Variants in PDE4D observed in about 807,000 individuals in gnomAD.
PDE4D encodes 3',5'-cyclic-AMP phosphodiesterase 4D.
A neutral mutation model predicts 87.4 loss-of-function variants in PDE4D; 24 were observed. The ratio of observed to expected loss-of-function variants is 0.27; its 90% CI spans 0.20 to 0.39. The LOEUF (loss-of-function observed/expected upper bound fraction) is 0.39. Ranked by LOEUF, PDE4D falls within the 10% of genes least tolerant of loss-of-function variation. PDE4D has a pLI of 1.00. For synonymous variants in PDE4D, 384 were observed against 383.2 expected, an observed-to-expected ratio of 1.00 and a Z score of -0.02; for missense variants, 714 against 1,041.0, an observed-to-expected ratio of 0.69 and a Z score of 4.32.
chr5:60,392,132 C>G (rs1412102988), intron 1 of PDE4D, among the ~76,000 whole-genome samples: 1 of 152,172 alleles, frequency 6.6e-6, no homozygotes, highest in Non-Finnish European at 1.5e-5. Flanking sequence ...TCATACTTCA[C>G]ACAGTGTAAG....
intron 3 of PDE4D, among the ~76,000 whole-genome samples, chr5:59,958,895 T>C (rs1475299795): frequency 1.3e-5 from 2 of 152,066 alleles, no homozygotes; most frequent in African/African-American, 4.8e-5. Context: ...AAAGAGGAAG[T>C]AAAATTATTT....
intron 1 of PDE4D, among the ~76,000 whole-genome samples, chr5:59,536,661 G>T (rs1411865393): frequency 2.0e-5 from 3 of 151,784 alleles, no homozygotes; most frequent in Non-Finnish European, 4.4e-5. Flanking sequence ...AAATCTCTTA[G>T]ATTTCAGCTG....
chr5:60,305,885 C>T (rs542652522), intron 1 of PDE4D, among the ~76,000 whole-genome samples: 2 of 151,908 alleles, frequency 1.3e-5, no homozygotes, highest in African/African-American at 2.4e-5. Flanking sequence ...AAATACAGTA[C>T]TAAAGTCTAA....
intron 2 of PDE4D, among the ~76,000 whole-genome samples, chr5:60,057,540 T>C (rs1436523075): frequency 6.6e-6 from 1 of 152,016 alleles, no homozygotes; most frequent in Non-Finnish European, 1.5e-5. Context: ...GAACTGTGTC[T>C]GTCTTGCACA....
rs537951681 is a variant in PDE4D at position 59,826,383 on chromosome 5, G to A, written c.455+66785C>T. On this transcript the variant is annotated intron_variant, in intron 1 of 14. Coordinates refer to ENST00000340635, the MANE Select transcript of PDE4D (RefSeq NM_001104631.2). ...GAAAGATTATATGTATGAGATTCGC[G>A]TTGCTTCTTTCTTCTGAAGATCTCC... 5.3e-5 allele frequency among the ~76,000 whole-genome samples: 8 copies of A among 152,256 alleles called. No individual in the cohort carries two copies. In the East Asian group the frequency reaches 1.2e-3, roughly 22 times the overall value.
intron 1 of PDE4D, among the ~76,000 whole-genome samples, chr5:60,195,280 T>G (rs1741079521): frequency 6.6e-6 from 1 of 151,690 alleles, no homozygotes; most frequent in Non-Finnish European, 1.5e-5. Flanking sequence ...TTTGTCAAAT[T>G]ACATCAAAAT....
chr5:60,364,649 C>A (rs1309806150), intron 1 of PDE4D, among the ~76,000 whole-genome samples: 2 of 152,056 alleles, frequency 1.3e-5, no homozygotes, highest in African/African-American at 4.8e-5. Context: ...CATGCTTGCA[C>A]CAGTTCTGTG....
intron 5 of PDE4D, among the ~76,000 whole-genome samples, chr5:59,155,353 T>C (rs908722743): frequency 6.6e-6 from 1 of 152,122 alleles, no homozygotes; most frequent in Admixed American, 6.5e-5. Flanking sequence ...AACAAAAACA[T>C]GTTGAATAAA....
chr5:60,099,423 A>G (rs1776010650), intron 2 of PDE4D, among the ~76,000 whole-genome samples: 1 of 151,968 alleles, frequency 6.6e-6, no homozygotes. Flanking sequence ...CATGAAAATC[A>G]AAAACATTTG....
rs1760465812 is a variant in PDE4D at position 59,751,574 on chromosome 5, G to GT, written c.455+141593_455+141594insA. Among the ~76,000 whole-genome samples the GT allele has an allele frequency of 3.5e-5, 5 of 142,738 alleles. No homozygotes were observed. In the South Asian group the frequency reaches 1.2e-3, roughly 34 times the overall value. The allele number at this position is 142,738 out of a possible 152,430, so 93.6% of individuals were successfully genotyped here. A position where few individuals can be genotyped will look rare whatever the true frequency, so the allele number is the denominator to read the frequency against. On this transcript the variant is annotated intron_variant, in intron 1 of 14. Coordinates refer to ENST00000340635, the MANE Select transcript of PDE4D (RefSeq NM_001104631.2). ...GTTTCTTTTATACATATAAATCCCT[G>GT]GTGTGTGTGTGTGTGTGTGTGTGTG...
intron 1 of PDE4D, among the ~76,000 whole-genome samples, chr5:60,186,838 T>C (rs991805400): frequency 2.6e-5 from 4 of 152,180 alleles, no homozygotes; most frequent in Non-Finnish European, 5.9e-5. Context: ...AGTAACTATG[T>C]ATCATTTTTT....
chr5:60,117,952 C>A (rs543684846), intron 2 of PDE4D, among the ~76,000 whole-genome samples: 5 of 152,188 alleles, frequency 3.3e-5, no homozygotes. Context: ...AAATCTCTCA[C>A]AAAGATGACA....
intron 5 of PDE4D, among the ~76,000 whole-genome samples, chr5:59,168,347 G>A (rs937413755): frequency 2.0e-5 from 3 of 152,250 alleles, no homozygotes; most frequent in South Asian, 4.2e-4. Flanking sequence ...GAAGCACTGC[G>A]TTACCCTGGT....
chr5:60,045,676 T>C (rs568859957), intron 2 of PDE4D, among the ~76,000 whole-genome samples: 77 of 152,344 alleles, frequency 5.1e-4, no homozygotes, highest in African/African-American at 1.6e-3. Context: ...TAGTTGTAGA[T>C]ATGCAGCATT....
At chr5:59,965,560 T>TG in intron 3 of PDE4D, among the ~76,000 whole-genome samples, 1 of 152,176 alleles carries the variant, frequency 6.6e-6, no homozygotes, top group Non-Finnish European at 1.5e-5. Flanking sequence ...GCATTATCCC[T>TG]GTTTCAGAGA....
At chr5:59,610,207 C>T (rs1561318548) in intron 1 of PDE4D, among the ~76,000 whole-genome samples, 1 of 152,064 alleles carries the variant, frequency 6.6e-6, no homozygotes, top group African/African-American at 2.4e-5. Context: ...TGCAAGGCAC[C>T]CCCCAGAGTC....
In PDE4D at chr5:59,972,676, G is replaced by A. The variant is rs1028264277; in HGVS notation, c.272+15812C>T. Reference sequence around the variant, plus strand: ...ATAAGGCTGTAAATGGCCTGAACCAGCTTATTCAATAAGACTAACAGTTCA... The same window carrying A: ...ATAAGGCTGTAAATGGCCTGAACCAACTTATTCAATAAGACTAACAGTTCA... On this transcript the variant is annotated intron_variant, in intron 3 of 16. Coordinates refer to the PDE4D transcript ENST00000502484. 2.6e-5 allele frequency among the ~76,000 whole-genome samples: 4 copies of A among 152,282 alleles called. No homozygotes were observed. In the South Asian group the frequency reaches 8.3e-4, roughly 32 times the overall value.
chr5:59,566,568 G>T (rs1244378605), intron 1 of PDE4D, among the ~76,000 whole-genome samples: 4 of 151,414 alleles, frequency 2.6e-5, no homozygotes, highest in African/African-American at 9.7e-5. Context: ...GTGTGTGTGT[G>T]TGTGTGTGTG....
intron 5 of PDE4D, among the ~76,000 whole-genome samples, chr5:59,124,979 TC>T (rs1775152836): frequency 6.7e-6 from 1 of 150,026 alleles, no homozygotes; most frequent in African/African-American, 2.5e-5. Flanking sequence ...TCTTTTCTTT[TC>T]TTTTCTTTTT....
Sources: allele counts gnomAD v4.1 joint callset (sites outside exome capture counted in the v4.1 genomes callset), GRCh38; gene constraint gnomAD v4.1.1; transcripts MANE v1.5; gene names NCBI Gene and HGNC (gene_info 2026-07-23, HGNC 2026-07-21).